NHSL2: variants seen among roughly 807,000 people sequenced by gnomAD.
The protein encoded by NHSL2 is NHS like 2.
NHSL2 carries 27 observed loss-of-function variants against 53.4 expected under a neutral mutation model. The ratio of observed to expected loss-of-function variants is 0.51; its 90% CI spans 0.37 to 0.70. The LOEUF (loss-of-function observed/expected upper bound fraction) is 0.70. NHSL2 is among the 30% of genes least tolerant of loss of function. NHSL2 has a pLI of 0.00. For synonymous variants in NHSL2, 408 were observed against 404.1 expected (o/e 1.01, Z -0.12); for missense variants, 892 against 980.1 (o/e 0.91, Z 1.20).
chrX:71,997,422 A>G (rs1027973059), intron 1 of NHSL2, among the ~76,000 whole-genome samples: 7 of 112,412 alleles, frequency 6.2e-5, no homozygotes, highest in Admixed American at 9.3e-5. Flanking sequence ...CACCTCCAGG[A>G]CCACTGCCCT....
chrX:72,067,422 A>C (rs1297589724), intron 1 of NHSL2, among the ~76,000 whole-genome samples: 1 of 111,481 alleles, frequency 9.0e-6, no homozygotes, highest in Non-Finnish European at 1.9e-5. Context: ...TGTCCCATGC[A>C]TTCTAGAATC....
chrX:71,983,376 G>C (rs1425240060), intron 1 of NHSL2, among the ~76,000 whole-genome samples: 2 of 68,110 alleles, frequency 2.9e-5, no homozygotes, highest in African/African-American at 1.3e-4. Flanking sequence ...AGGCCGAAGT[G>C]GGAGGATTGC....
intron 1 of NHSL2, among the ~76,000 whole-genome samples, chrX:71,935,941 GC>G (rs1180761294): frequency 8.9e-6 from 1 of 112,202 alleles, no homozygotes; most frequent in African/African-American, 3.2e-5. Context: ...TGTGTGAGGT[GC>G]CTATCTTCCT....
chrX:72,026,285 A>T (rs897441367), intron 1 of NHSL2, among the ~76,000 whole-genome samples: 7 of 111,718 alleles, frequency 6.3e-5, no homozygotes, highest in African/African-American at 2.3e-4. Flanking sequence ...GACTCTAGGG[A>T]TGGGGATGGA....
intron 1 of NHSL2, among the ~76,000 whole-genome samples, chrX:72,003,015 G>A (rs907309100): frequency 3.6e-5 from 4 of 110,413 alleles, no homozygotes; most frequent in Non-Finnish European, 7.5e-5. Context: ...TGCGCACAGA[G>A]ATTGTGCTAT....
At chrX:71,964,023 A>ATGTG (rs750722492) in intron 1 of NHSL2, among the ~76,000 whole-genome samples, 305 of 26,659 alleles carry the variant, frequency 0.011, 20 homozygotes, top group East Asian at 0.066. Flanking sequence ...ATATATATAT[A>ATGTG]TGTGTATATA....
chrX:72,072,273 A>G (rs1384400747), intron 1 of NHSL2, among the ~76,000 whole-genome samples: 1 of 112,686 alleles, frequency 8.9e-6, no homozygotes, highest in Non-Finnish European at 1.9e-5. Flanking sequence ...GGTAAGGTTA[A>G]ATGTTTTTAA....
intron 1 of NHSL2, among the ~76,000 whole-genome samples, chrX:72,114,387 A>G (rs2042118930): frequency 8.9e-6 from 1 of 111,842 alleles, no homozygotes; most frequent in African/African-American, 3.3e-5. Context: ...CGAGCCCACG[A>G]GAGAGCATAT....
intron 1 of NHSL2, among the ~76,000 whole-genome samples, chrX:71,935,526 C>T (rs1034730699): frequency 6.2e-5 from 7 of 112,801 alleles, no homozygotes; most frequent in Non-Finnish European, 1.3e-4. Flanking sequence ...TTGTGGAAAA[C>T]GAAATAAAAT....
chrX:72,138,196 A>G (rs750519032), intron 5 of NHSL2, among the ~76,000 whole-genome samples: 1 of 112,103 alleles, frequency 8.9e-6, no homozygotes, highest in African/African-American at 3.2e-5. Context: ...TCTAAGAGGA[A>G]TAATCAAAGC....
chrX:72,048,222 C>G (rs1324183697), intron 1 of NHSL2, among the ~76,000 whole-genome samples: 3 of 110,772 alleles, frequency 2.7e-5, no homozygotes, highest in Non-Finnish European at 5.7e-5. Flanking sequence ...ATTTTCTCCC[C>G]CTAATAAAGA....
At chrX:71,964,029 A>ATATATATATGTGTGTGTT (rs1556312371) in intron 1 of NHSL2, among the ~76,000 whole-genome samples, 1 of 32,072 alleles carries the variant, frequency 3.1e-5, no homozygotes, top group African/African-American at 1.8e-4. Context: ...ATATATGTGT[A>ATATATATATGTGTGTGTT]TATATATATA....
chrX:71,935,368 A>G (rs1569464136), intron 1 of NHSL2, among the ~76,000 whole-genome samples: 2 of 112,354 alleles, frequency 1.8e-5, no homozygotes, highest in East Asian at 5.6e-4. Flanking sequence ...TTTCCAGCCT[A>G]GGGAAATGTG....
intron 1 of NHSL2, among the ~76,000 whole-genome samples, chrX:71,961,754 C>T (rs1197334486): frequency 1.8e-5 from 2 of 111,766 alleles, no homozygotes; most frequent in South Asian, 3.8e-4. Flanking sequence ...CTACAACCTC[C>T]GCCTCCTGAG....
intron 1 of NHSL2, among the ~76,000 whole-genome samples, chrX:72,120,626 C>T (rs904109511): frequency 1.8e-5 from 2 of 112,034 alleles, no homozygotes; most frequent in Non-Finnish European, 3.8e-5. Context: ...TTTTGAATTC[C>T]CGTTTGGCCC....
chrX:71,911,716 G>A (rs1455071500), intron 1 of NHSL2, among the ~76,000 whole-genome samples: 1 of 112,632 alleles, frequency 8.9e-6, no homozygotes, highest in Non-Finnish European at 1.9e-5. Context: ...CCTAGCCCCA[G>A]GCCCTCGGCG....
chrX:72,122,194 C>T (rs1382070922), intron 1 of NHSL2, among the ~76,000 whole-genome samples: 1 of 112,043 alleles, frequency 8.9e-6, no homozygotes, highest in Non-Finnish European at 1.9e-5. Flanking sequence ...GCGTCCATTA[C>T]CTAAAAAAAG....
intron 1 of NHSL2, among the ~76,000 whole-genome samples, chrX:71,933,044 A>G (rs1419745929): frequency 1.8e-5 from 2 of 112,303 alleles, no homozygotes; most frequent in South Asian, 3.7e-4. Context: ...ACAGACACCA[A>G]GTGTTTCCCA....
intron 1 of NHSL2, among the ~76,000 whole-genome samples, chrX:72,091,628 G>A (rs764664142): frequency 9.0e-6 from 1 of 111,119 alleles, no homozygotes; most frequent in Non-Finnish European, 1.9e-5. Context: ...GAGAACCTGA[G>A]GTGGTGGGGG....
Sources: gnomAD v4.1 joint callset for allele counts (sites outside exome capture counted in the v4.1 genomes callset) on GRCh38, gnomAD v4.1.1 for gene constraint, MANE v1.5 for transcripts, NCBI Gene and HGNC (gene_info 2026-07-23, HGNC 2026-07-21) for gene names.